C9: variants seen among roughly 807,000 people sequenced by gnomAD.
C9 encodes the protein complement component C9.
In C9, 63 loss-of-function variants were observed where a neutral mutation model predicts 65.4. The observed-to-expected ratio is 0.96, with a 90% CI of 0.79 to 1.19. The LOEUF (loss-of-function observed/expected upper bound fraction) is 1.19. Among genes scored for constraint, C9 ranks in the 50% most tolerant of loss-of-function variants. C9 has a pLI of 0.00. For synonymous variants in C9, 229 were observed against 227.9 expected (o/e 1.00, Z -0.04); for missense variants, 744 against 670.1 (o/e 1.11, Z -1.22).
At chr5:39,297,223 G>A (rs1255798975) in intron 9 of C9, among the ~76,000 whole-genome samples, 1 of 151,446 alleles carries the variant, frequency 6.6e-6, no homozygotes, top group Non-Finnish European at 1.5e-5. Context: ...ACCCTGATCC[G>A]ATAACTATAC....
chr5:39,323,018 C>G (rs1237855451), intron 5 of C9, among the ~76,000 whole-genome samples: 5 of 151,936 alleles, frequency 3.3e-5, no homozygotes, highest in Non-Finnish European at 7.4e-5. Flanking sequence ...TATAAATAAA[C>G]ATAAGATATT....
chr5:39,302,009 A>G (rs1216666177), intron 9 of C9, among the ~76,000 whole-genome samples: 1 of 152,032 alleles, frequency 6.6e-6, no homozygotes, highest in Non-Finnish European at 1.5e-5. Flanking sequence ...CCTTCAAAGG[A>G]AAGTCAAGGC....
intron 1 of C9, among the ~76,000 whole-genome samples, chr5:39,360,652 C>G (rs368197327): frequency 2.0e-4 from 30 of 151,790 alleles, no homozygotes; most frequent in African/African-American, 6.5e-4. Flanking sequence ...GAATAGTTCG[C>G]GAAGAAAAAC....
intron 9 of C9, among the ~76,000 whole-genome samples, chr5:39,306,202 T>G (rs1309710009): frequency 1.3e-5 from 2 of 150,066 alleles, no homozygotes; most frequent in Non-Finnish European, 3.0e-5. Flanking sequence ...GTAAATACAA[T>G]TCTCCTGTGT....
At chr5:39,298,478 T>C (rs1753223786) in intron 9 of C9, among the ~76,000 whole-genome samples, 1 of 151,752 alleles carries the variant, frequency 6.6e-6, no homozygotes, top group South Asian at 2.1e-4. Flanking sequence ...CAAGACAGGA[T>C]ATCACTATAG....
chr5:39,286,702 C>T (rs1561329272), intron 10 of C9, among the ~76,000 whole-genome samples: 1 of 140,694 alleles, frequency 7.1e-6, no homozygotes, highest in South Asian at 2.3e-4. Context: ...AAGTAGTATA[C>T]ATTTTTGGAG....
chr5:39,341,651 C>T lies in C9; in HGVS notation c.233G>A (p.Cys78Tyr). 1 of 1,613,772 alleles carries T rather than the reference C, an allele frequency of 6.2e-7. No individual in the cohort carries two copies. The highest frequency in any genetic ancestry group is 8.5e-7 in the Non-Finnish European group (1 of 1,179,646). The stretch of plus-strand genomic sequence containing the variant: ...TCGTCTGTCTCCCACAGCGTCGGTG[C>T]ATCTTTTCCCATTAAATTGTCCAAA... The part of the protein sequence containing the change: ...EVFGQFNGKR[C>Y]TDAVGDRRQC... Residue 78 changes from cysteine (C) to tyrosine (Y), a missense_variant, in exon 3 of 11, where the codon TGC (cysteine) becomes TAC (tyrosine). Cys to Tyr is a radical substitution (Grantham distance 194, BLOSUM62 -2). Transcript: ENST00000263408.
At chr5:39,339,252 C>T (rs1438134778) in intron 4 of C9, among the ~76,000 whole-genome samples, 1 of 152,186 alleles carries the variant, frequency 6.6e-6, no homozygotes, top group Non-Finnish European at 1.5e-5. Context: ...AGATTCCCAC[C>T]TTTAGGCTAA....
At chr5:39,339,788 T>C (rs1000787997) in intron 4 of C9, among the ~76,000 whole-genome samples, 1 of 150,544 alleles carries the variant, frequency 6.6e-6, no homozygotes, top group African/African-American at 2.4e-5. Context: ...GCCTCCCAAG[T>C]AGCTGGGACT....
At chr5:39,295,609 C>T (rs1225558388) in intron 9 of C9, among the ~76,000 whole-genome samples, 1 of 151,610 alleles carries the variant, frequency 6.6e-6, no homozygotes, top group Non-Finnish European at 1.5e-5. Flanking sequence ...AAACAATCTA[C>T]AGATTCAGTG....
At chr5:39,302,458 A>G (rs1216814478) in intron 9 of C9, among the ~76,000 whole-genome samples, 1 of 152,118 alleles carries the variant, frequency 6.6e-6, no homozygotes. Context: ...TTGTTGATAG[A>G]ATGAGTGTTG....
intron 1 of C9, among the ~76,000 whole-genome samples, chr5:39,347,569 C>G (rs1754229025): frequency 6.6e-6 from 1 of 152,116 alleles, no homozygotes; most frequent in Non-Finnish European, 1.5e-5. Flanking sequence ...TAGGAAGAAT[C>G]AATATCGTGA....
chr5:39,290,207 G>C (rs1441385694), intron 9 of C9, among the ~76,000 whole-genome samples: 1 of 151,840 alleles, frequency 6.6e-6, no homozygotes, highest in Non-Finnish European at 1.5e-5. Flanking sequence ...GAAGGGGTAA[G>C]TTCAGAAGAT....
chr5:39,332,019 A>G (rs1753850524), intron 4 of C9, among the ~76,000 whole-genome samples: 1 of 152,144 alleles, frequency 6.6e-6, no homozygotes, highest in Admixed American at 6.5e-5. Context: ...AGGCTTATGA[A>G]CTCTTTTAGG....
chr5:39,350,309 C>G (rs1432282003), intron 1 of C9, among the ~76,000 whole-genome samples: 1 of 152,172 alleles, frequency 6.6e-6, no homozygotes. Flanking sequence ...GTGGGGATTA[C>G]AATTCAACGT....
At position 39,288,819 on chromosome 5, in the gene C9, C is replaced by A. The variant is rs966547815; in HGVS notation, c.1549G>T (p.Gly517Cys). ...VRKCHTCQNGGTVILMDGKCL... is the reference protein window; with the variant it reads ...VRKCHTCQNGCTVILMDGKCL... ...TTTCCATCCATTAGAATCACTGTAC[C>A]TCCATTTTGGCATGTGTGGCATTTT... Residue 517 changes from glycine (G) to cysteine (C), a missense_variant, in exon 10 of 11, where the codon GGT (glycine) becomes TGT (cysteine). Gly to Cys is a radical substitution (Grantham distance 159, BLOSUM62 -3). Transcript: ENST00000263408. 1.1e-5 allele frequency: 17 copies of A among 1,611,770 alleles called. No homozygotes were observed. The highest frequency in any genetic ancestry group is 8.0e-5 in the African/African-American group (6 of 74,772).
At chr5:39,338,686 C>T (rs1387449065) in intron 4 of C9, among the ~76,000 whole-genome samples, 3 of 152,158 alleles carry the variant, frequency 2.0e-5, no homozygotes, top group East Asian at 1.9e-4. Context: ...TCCATTTCTG[C>T]AGCTGACCTT....
chr5:39,300,438 CAAAAAGAAAAG>C (rs1753259501), intron 9 of C9, among the ~76,000 whole-genome samples: 1 of 151,036 alleles, frequency 6.6e-6, no homozygotes, highest in African/African-American at 2.4e-5. Context: ...AGAAAAGAAG[CAAAAAGAAAAG>C]AAAAAGAAAA....
intron 9 of C9, among the ~76,000 whole-genome samples, chr5:39,303,531 ATTATAT>A (rs755157616): frequency 8.1e-5 from 12 of 148,514 alleles, no homozygotes; most frequent in African/African-American, 1.5e-4. Context: ...TATTTTATAA[ATTATAT>A]TTATAATTAT....
Sources: allele counts gnomAD v4.1 joint callset (sites outside exome capture counted in the v4.1 genomes callset), GRCh38; gene constraint gnomAD v4.1.1; transcripts MANE v1.5; gene names NCBI Gene and HGNC (gene_info 2026-07-23, HGNC 2026-07-21).